ATP13A5: variants seen among roughly 807,000 people sequenced by gnomAD.
ATP13A5 encodes probable cation-transporting ATPase 13A5.
A neutral mutation model predicts 150.2 loss-of-function variants in ATP13A5; 149 were observed. The ratio of observed to expected loss-of-function variants is 0.99; its 90% confidence interval spans 0.87 to 1.14. The LOEUF is 1.14. ATP13A5 is among the 50% of genes most tolerant of loss of function. The probability of loss-of-function intolerance (pLI) is 0.00; values close to 1 mark genes in which losing one functional copy is unlikely to be tolerated. For synonymous variants in ATP13A5, 497 were observed against 522.2 expected (o/e 0.95, Z 0.66); for missense variants, 1,383 against 1,449.3 (o/e 0.95, Z 0.74).
intron 1 of ATP13A5, among the ~76,000 whole-genome samples, chr3:193,374,020 G>A (rs768375816): frequency 6.6e-6 from 1 of 152,170 alleles, no homozygotes; most frequent in African/African-American, 2.4e-5. Context: ...GAATGAAGCA[G>A]CACTTGTGGC....
intron 5 of ATP13A5, among the ~76,000 whole-genome samples, chr3:193,359,201 C>A (rs1311458109): frequency 6.6e-6 from 1 of 152,118 alleles, no homozygotes; most frequent in Non-Finnish European, 1.5e-5. Flanking sequence ...CTCCTCCAAC[C>A]AGCCCTTCCT....
rs1717879248 is a variant in ATP13A5, at chr3:193,289,933, A to G, written c.2975T>C (p.Phe992Ser). ...CCAAGGCTGCTGCTTCACATAGAGA[A>G]ATGCACTGATCTGCACAATGCAGGA... ...CFSCIVQISA[F>S]LYVKQQPWYC... The change falls in exon 26 of 30, where the codon TTT becomes TCT. Residue 992 changes from phenylalanine to serine, a missense_variant. Physicochemically the swap from Phe to Ser is radical, Grantham distance 155. This residue lies in a region of ATP13A5 where 568 missense variants were observed against 621.5 expected (regional missense o/e 0.91). Coordinates refer to ENST00000342358, the MANE Select transcript of ATP13A5 (RefSeq NM_198505.4). The G allele has an allele frequency of 6.2e-7, 1 of 1,612,200 alleles. No individual in the cohort carries two copies. Among genetic ancestry groups the G allele is most frequent in the Admixed American group, 1.7e-5 (1 of 59,768 alleles).
At chr3:193,308,448 G>C (rs551547012) in intron 21 of ATP13A5, among the ~76,000 whole-genome samples, 1 of 152,258 alleles carries the variant, frequency 6.6e-6, no homozygotes, top group East Asian at 1.9e-4. Flanking sequence ...AACAAAGCGA[G>C]ACTCTGTCTC....
chr3:193,361,736 C>T (rs577840730), intron 5 of ATP13A5, among the ~76,000 whole-genome samples: 3 of 152,230 alleles, frequency 2.0e-5, no homozygotes, highest in South Asian at 4.2e-4. Context: ...CTATAGGTAC[C>T]AATCTCATGA....
At chr3:193,309,293 A>G (rs1159364924) in intron 21 of ATP13A5, among the ~76,000 whole-genome samples, 1 of 152,194 alleles carries the variant, frequency 6.6e-6, no homozygotes, top group Non-Finnish European at 1.5e-5. Context: ...TTATTCACAT[A>G]TCTTCTAATG....
chr3:193,337,927 C>T (rs1028709391), intron 9 of ATP13A5, among the ~76,000 whole-genome samples: 2 of 152,118 alleles, frequency 1.3e-5, no homozygotes, highest in Non-Finnish European at 2.9e-5. Flanking sequence ...GTTTGTAGTT[C>T]TCCTTGAAGA....
chr3:193,368,586 A>G (rs1043496884), intron 1 of ATP13A5, among the ~76,000 whole-genome samples: 4 of 152,186 alleles, frequency 2.6e-5, no homozygotes, highest in Non-Finnish European at 5.9e-5. Flanking sequence ...CACAAGTATA[A>G]ACAAACAGAG....
rs376481093 is a variant in ATP13A5, at chr3:193,334,938, A to G, written c.1105T>C (p.Leu369=). The G allele has an allele frequency of 1.0e-4, 166 of 1,612,776 alleles. No homozygotes were observed. The highest frequency in any genetic ancestry group is 1.3e-4 in the Non-Finnish European group (155 of 1,179,180). The change falls in exon 10 of 30, where the codon TTG becomes CTG. Residue 369 remains leucine, a synonymous_variant. Transcript: ENST00000342358. ...SGQGPVRAVV[L]QTGYNTAKGD... Reference sequence around the variant, plus strand: ...AGTGGAATCCACTAACCTGTTTGCAAAACGACTGCTCGTACAGGCCCCTGC... The same window carrying G: ...AGTGGAATCCACTAACCTGTTTGCAGAACGACTGCTCGTACAGGCCCCTGC...
chr3:193,304,005 A>G (rs1171021696), intron 23 of ATP13A5, among the ~76,000 whole-genome samples: 2 of 152,048 alleles, frequency 1.3e-5, no homozygotes, highest in South Asian at 4.2e-4. Flanking sequence ...AAAGAGCTCC[A>G]TGAGTTGTAT....
Position 193,305,563 on chromosome 3 carries a change from T to A in ATP13A5, c.2674A>T (p.Ile892Phe). 1 of 1,612,156 alleles carries A rather than the reference T, an allele frequency of 6.2e-7. No homozygotes were observed. Among genetic ancestry groups the A allele is most frequent in the Non-Finnish European group, 8.5e-7 (1 of 1,178,266 alleles). ...GAAGAGGAAAAAATGACTTACCTGA[T>A]GAGATGAGGCACACACTGGATGTTG... ...TTNIQCVPHL[I>F]REGRAALVSS... Residue 892 changes from isoleucine to phenylalanine, a missense_variant, in exon 23 of 30, where the codon ATC becomes TTC. This residue lies in a region of ATP13A5 where 568 missense variants were observed against 621.5 expected (regional missense o/e 0.91). Transcript: ENST00000342358.
intron 9 of ATP13A5, 49 bp downstream of exon 9, chr3:193,343,878 C>A: frequency 6.3e-7 from 1 of 1,584,912 alleles, no homozygotes; most frequent in Non-Finnish European, 8.6e-7. Context: ...ATATGTTGAT[C>A]TGATTAGATG....
In ATP13A5 at chr3:193,321,763, A is replaced by G. The variant is rs1423959402; in HGVS notation, c.1833T>C (p.Ala611=). The G allele has an allele frequency of 3.7e-6, 6 of 1,614,180 alleles. No individual in the cohort carries two copies. The highest frequency in any genetic ancestry group is 5.1e-6 in the Non-Finnish European group (6 of 1,180,026). The part of the protein sequence containing the change: ...SSSLQRMSVI[A]QLAGENHFHV... ...GGAAATGATTCTCCCCAGCTAGCTG[A>G]GCGATCACGGACATCCTCTGCAGGC... Residue 611 remains alanine (A), a synonymous_variant, in exon 16 of 30, where the codon GCT becomes GCC. Transcript: ENST00000342358.
Position 193,322,691 on chromosome 3 carries a change from C to T in ATP13A5, c.1675-117G>A, listed in dbSNP as rs1719328060. The T allele has an allele frequency of 5.5e-6, 4 of 727,886 alleles. No homozygotes were observed. The Admixed American group carries it at 1.0e-4, about 19-fold the overall frequency. 45.1% of individuals were successfully genotyped at this position (727,886 alleles called of 1,614,324 possible). A position where few individuals can be genotyped will look rare whatever the true frequency, so the allele number is the denominator to read the frequency against. On this transcript the variant is annotated intron_variant, in intron 14 of 29. Transcript: ENST00000342358. ...AAGCCATTTTTACATATTTTCTCTT[C>T]CAGGCCAATTATCTTAATACTGTCA...
At chr3:193,348,573 T>C (rs890292433) in intron 7 of ATP13A5, among the ~76,000 whole-genome samples, 1 of 152,222 alleles carries the variant, frequency 6.6e-6, no homozygotes, top group African/African-American at 2.4e-5. Context: ...GGAGGGTTTC[T>C]TGGCTTAGGA....
chr3:193,294,701 A>T lies in ATP13A5; in HGVS notation c.2848+4430T>A, dbSNP rs79414205. ...GTAAGAAGCCGTAATGAGAATACAG[A>T]TACTCTTTGATTTACAATGGGGTTA... is the stretch of plus-strand genomic sequence containing the variant. On this transcript the variant is annotated intron_variant, in intron 25 of 29. Transcript: ENST00000342358. Among the ~76,000 whole-genome samples the T allele has an allele frequency of 8.4e-3, 1,278 of 152,202 alleles. 40 individuals are homozygous for T. Among genetic ancestry groups the T allele is most frequent in the Admixed American group, 0.049 (749 of 15,274 alleles).
intron 11 of ATP13A5, among the ~76,000 whole-genome samples, chr3:193,332,491 A>G (rs1279473891): frequency 6.6e-6 from 1 of 152,156 alleles, no homozygotes; most frequent in Non-Finnish European, 1.5e-5. Flanking sequence ...TCTAGATATT[A>G]ATGATTCTAC....
Position 193,296,804 on chromosome 3 carries a change from T to G in ATP13A5, c.2848+2327A>C, listed in dbSNP as rs2108835398. Among the ~76,000 whole-genome samples the G allele has an allele frequency of 1.3e-5, 2 of 152,250 alleles. 1 individual carries two copies. The highest frequency in any genetic ancestry group is 4.1e-4 in the South Asian group (2 of 4,828). ...GTATGGCCATTTTCATGATATTGAT[T>G]CTTCCTATCCATGAGCATGGAGTGT... On this transcript the variant is annotated intron_variant, in intron 25 of 29. Transcript: ENST00000342358.
At chr3:193,324,733 T>A in intron 14 of ATP13A5, 131 bp downstream of exon 14, 1 of 979,238 alleles carries the variant, frequency 1.0e-6, no homozygotes, top group Non-Finnish European at 1.5e-6. Flanking sequence ...TGGGAAGTTC[T>A]GGTAGTGTTA....
At chr3:193,326,480 T>C (rs532399266) in intron 13 of ATP13A5, among the ~76,000 whole-genome samples, 1 of 152,334 alleles carries the variant, frequency 6.6e-6, no homozygotes, top group East Asian at 1.9e-4. Flanking sequence ...AATTTCAAAA[T>C]TAATTTGTCT....
Sources: allele counts gnomAD v4.1 joint callset (sites outside exome capture counted in the v4.1 genomes callset), GRCh38; gene constraint gnomAD v4.1.1; regional missense constraint gnomAD v4.1.1; transcripts MANE v1.5; gene names NCBI Gene and HGNC (gene_info 2026-07-23, HGNC 2026-07-21).